Variants in CRACD observed in about 807,000 individuals in gnomAD.
The protein encoded by CRACD is capping protein-inhibiting regulator of actin dynamics.
Under a neutral mutation model 106.8 loss-of-function variants are expected in CRACD, and 56 were observed. The ratio of observed to expected loss-of-function variants is 0.52; its 90% CI spans 0.42 to 0.66. CRACD has a LOEUF of 0.66. Among genes scored for constraint, CRACD ranks in the 30% least tolerant of loss-of-function variants. The pLI, the probability that CRACD is intolerant of heterozygous loss-of-function variation, is 0.00. For missense variants in CRACD, 1,730 were observed against 1,623.2 expected (o/e 1.07, Z -1.13); for synonymous variants, 754 against 670.8 (o/e 1.12, Z -1.92).
intron 5 of CRACD, chr4:56,308,973 G>A: frequency 1.7e-6 from 2 of 1,183,886 alleles, no homozygotes; most frequent in Non-Finnish European, 2.2e-6. Flanking sequence ...TTCTACAAGG[G>A]GCCCCCCATC....
At chr4:56,215,319 C>T (rs59885332) in intron 2 of CRACD, among the ~76,000 whole-genome samples, 6,912 of 152,246 alleles carry the variant, frequency 0.045, 179 homozygotes, top group African/African-American at 0.05. Flanking sequence ...CTGTGCCTGG[C>T]TCATATGTCT....
chr4:56,161,794 C>A (rs1466180725), intron 1 of CRACD, among the ~76,000 whole-genome samples: 2 of 145,068 alleles, frequency 1.4e-5, no homozygotes, highest in African/African-American at 5.2e-5. Context: ...GATGGAGTCT[C>A]GCTCTGTTGC....
rs1745565382 is a variant in CRACD at position 56,315,575 on chromosome 4, G to T, written c.2073G>T (p.Leu691Phe). Reference protein sequence around the residue: ...SDPRSSERDQLRPGDESTPRG... With the variant: ...SDPRSSERDQFRPGDESTPRG... ...CGCGCAGCAGCGAGAGGGACCAGTT[G>T]AGGCCCGGTGATGAGTCCACTCCCA... The change falls in exon 8 of 11, where the codon TTG (leucine) becomes TTT (phenylalanine). Residue 691 changes from leucine (L) to phenylalanine (F), a missense_variant. Physicochemically the swap from Leu to Phe is conservative, Grantham distance 22. Transcript: ENST00000682029. This position sits in a 1 kb window ranked among gnomAD's most constrained non-coding sequence, Gnocchi z 4.1. 9 of 1,614,026 alleles carry T rather than the reference G, an allele frequency of 5.6e-6. No homozygotes were observed. The highest frequency in any genetic ancestry group is 7.6e-6 in the Non-Finnish European group (9 of 1,180,008).
intron 1 of CRACD, among the ~76,000 whole-genome samples, chr4:56,150,399 A>G (rs1735539760): frequency 6.6e-6 from 1 of 152,198 alleles, no homozygotes; most frequent in African/African-American, 2.4e-5. Flanking sequence ...ATTATGAAAT[A>G]TATATATCCA....
chr4:56,269,527 G>A (rs1374084131), intron 2 of CRACD, among the ~76,000 whole-genome samples: 3 of 151,532 alleles, frequency 2.0e-5, no homozygotes, highest in Non-Finnish European at 2.9e-5. Flanking sequence ...ATGACACATG[G>A]CAAAAGCAGG....
At chr4:56,131,399 A>G (rs1734819566) in intron 1 of CRACD, among the ~76,000 whole-genome samples, 1 of 152,212 alleles carries the variant, frequency 6.6e-6, no homozygotes, top group African/African-American at 2.4e-5. Flanking sequence ...AGTGAGAGCC[A>G]GAGATTGCTT....
At chr4:56,259,092 G>T (rs1200249350) in intron 2 of CRACD, among the ~76,000 whole-genome samples, 2 of 152,158 alleles carry the variant, frequency 1.3e-5, no homozygotes, top group Non-Finnish European at 1.5e-5. Flanking sequence ...TAGGGGAAGA[G>T]ACACAAGCTC....
intron 1 of CRACD, among the ~76,000 whole-genome samples, chr4:56,094,385 A>G (rs1676000647): frequency 6.8e-6 from 1 of 146,682 alleles, no homozygotes; most frequent in Admixed American, 6.8e-5. Flanking sequence ...TGATTTTTAT[A>G]TATTTACTTA....
intron 1 of CRACD, among the ~76,000 whole-genome samples, chr4:56,139,133 A>G (rs904465194): frequency 3.4e-4 from 52 of 152,316 alleles, no homozygotes; most frequent in African/African-American, 1.1e-3. Flanking sequence ...CATATACTCA[A>G]TTCCAAATAT....
chr4:56,168,550 G>A (rs780092754), intron 1 of CRACD, among the ~76,000 whole-genome samples: 19 of 151,392 alleles, frequency 1.3e-4, no homozygotes, highest in Non-Finnish European at 2.8e-4. Context: ...CTCATAAAAT[G>A]AGTCTCATTG....
rs58519345 is a variant in CRACD, at chr4:56,330,380, T to C, written c.*2576T>C. 0.013 allele frequency among the ~76,000 whole-genome samples: 1,918 copies of C among 152,314 alleles called. 48 individuals carry two copies. Among genetic ancestry groups the C allele is most frequent in the African/African-American group, 0.043 (1,805 of 41,550 alleles). On this transcript the variant is annotated 3_prime_UTR_variant, in exon 11 of 11. Transcript: ENST00000682029. ...TCATTTAGCCAGTTATCTGCAAATATATAGTATGTATTGTCTCTTCTTGTG... is the reference window on the plus strand; with the variant it reads ...TCATTTAGCCAGTTATCTGCAAATACATAGTATGTATTGTCTCTTCTTGTG...
chr4:56,305,497 G>A (rs1176613482), intron 4 of CRACD, among the ~76,000 whole-genome samples: 3 of 150,354 alleles, frequency 2.0e-5, no homozygotes, highest in Non-Finnish European at 4.4e-5. Context: ...TCCATTGGCT[G>A]TTCTAACCAT....
At position 56,196,255 on chromosome 4, in the gene CRACD, A is replaced by G. The variant is rs368222261; in HGVS notation, c.-189+16825A>G. 43 of 152,870 alleles carry G rather than the reference A, an allele frequency of 2.8e-4. 1 individual carries two copies. The highest frequency in any genetic ancestry group is 1.0e-3 in the African/African-American group (42 of 41,590). The allele number at this position is 152,870 out of a possible 1,614,324, so 9.5% of individuals were successfully genotyped here. On this transcript the variant is annotated intron_variant, in intron 2 of 10. Coordinates refer to ENST00000682029, the MANE Select transcript of CRACD (RefSeq NM_001393381.1). Reference sequence around the variant, plus strand: ...TTTCTTTCACAGAAATGGAGGATACAGGACAGAATTGATAACAGTGGGACA... The same window carrying G: ...TTTCTTTCACAGAAATGGAGGATACGGGACAGAATTGATAACAGTGGGACA...
chr4:56,097,319 A>C (rs1400562362), intron 1 of CRACD: 2 of 151,964 alleles, frequency 1.3e-5, no homozygotes, highest in Non-Finnish European at 2.9e-5. Flanking sequence ...GAAGGGTGTT[A>C]GGATTGCTTA....
intron 1 of CRACD, among the ~76,000 whole-genome samples, chr4:56,063,203 T>G (rs1382346553): frequency 2.6e-5 from 4 of 152,270 alleles, no homozygotes; most frequent in Non-Finnish European, 1.5e-5. Flanking sequence ...ATAATAATTT[T>G]TTTTTTTTGA....
chr4:56,163,359 T>C (rs1297694181), intron 1 of CRACD, among the ~76,000 whole-genome samples: 1 of 152,246 alleles, frequency 6.6e-6, no homozygotes, highest in Non-Finnish European at 1.5e-5. Flanking sequence ...GATGTGCAGA[T>C]TGATGAGATG....
At chr4:56,052,341 A>T (rs1275386486) in intron 1 of CRACD, among the ~76,000 whole-genome samples, 1 of 152,196 alleles carries the variant, frequency 6.6e-6, no homozygotes, top group Non-Finnish European at 1.5e-5. Context: ...TATTTTATTT[A>T]AAAAATGTTG....
At chr4:56,103,414 A>C (rs1020985) in intron 1 of CRACD, among the ~76,000 whole-genome samples, 106,848 of 152,126 alleles carry the variant, frequency 0.7, 38,429 homozygotes, top group African/African-American at 0.86. Context: ...CCAGCCTGAG[A>C]AACATAGGTT....
intron 2 of CRACD, among the ~76,000 whole-genome samples, chr4:56,199,976 G>T (rs969764008): frequency 1.3e-5 from 2 of 151,636 alleles, no homozygotes; most frequent in Non-Finnish European, 2.9e-5. Flanking sequence ...GAATAAAAAT[G>T]GATTTCATTT....
Sources: allele counts gnomAD v4.1 joint callset (sites outside exome capture counted in the v4.1 genomes callset), GRCh38; gene constraint gnomAD v4.1.1; non-coding constraint Gnocchi (gnomAD v3.1); transcripts MANE v1.5; gene names NCBI Gene and HGNC (gene_info 2026-07-23, HGNC 2026-07-21).